The following NFKB2 variants were observed in gnomAD, a reference collection of about 807,000 sequenced individuals.
The protein encoded by NFKB2 is nuclear factor kappa B subunit 2.
A neutral mutation model predicts 109.3 loss-of-function variants in NFKB2; 21 were observed. That is an observed-to-expected ratio of 0.19 (90% CI 0.14 to 0.28). The LOEUF is 0.28. NFKB2 is among the 10% of genes least tolerant of loss of function. NFKB2 has a pLI of 1.00. For synonymous variants in NFKB2, 478 were observed against 489.9 expected (o/e 0.98, Z 0.32); for missense variants, 806 against 1,185.3 (o/e 0.68, Z 4.70).
intron 14 of NFKB2, 108 bp from the exon 15 acceptor site, chr10:102,399,972 G>C: frequency 8.2e-7 from 1 of 1,218,914 alleles, no homozygotes; most frequent in Non-Finnish European, 1.2e-6. Context: ...CCTGGGCCAC[G>C]TGCTGGGTTC....
chr10:102,401,720 A>G lies in NFKB2; in HGVS notation c.2294-25A>G, dbSNP rs1327072149. 6.4e-7 allele frequency: 1 copy of G among 1,573,386 alleles called. No individual in the cohort carries two copies. The highest frequency in any genetic ancestry group is 8.6e-7 in the Non-Finnish European group (1 of 1,157,454). ...CCACCCAACTCTGGAGGTAAATGAC[A>G]TGTCTGTATGTGTGTCCCCCTAAGG... On this transcript the variant is annotated intron_variant, in intron 20 of 22. Coordinates refer to ENST00000661543, the MANE Select transcript of NFKB2 (RefSeq NM_001322934.2). This position sits in a 1 kb window ranked among gnomAD's most constrained non-coding sequence, Gnocchi z 4.2.
In NFKB2 at chr10:102,401,247, C is replaced by T. The variant is rs371867635; in HGVS notation, c.2139C>T (p.Ser713=). ...TGCCTTCACCCCCTACCTCTGATAG[C>T]GACTCGGACTCTGAAGGGCCTGAGA... The part of the protein sequence containing the change: ...CPLPSPPTSD[S]DSDSEGPEKD... The change falls in exon 19 of 23, where the codon AGC becomes AGT. Residue 713 remains serine, a synonymous_variant. Transcript: ENST00000661543. The surrounding 1 kb of genome is among the most constrained non-coding windows in gnomAD (Gnocchi z 4.2). 20 of 1,611,450 alleles carry T rather than the reference C, an allele frequency of 1.2e-5. No homozygotes were observed. Among genetic ancestry groups the T allele is most frequent in the African/African-American group, 2.7e-5 (2 of 74,864 alleles).
Position 102,402,419 on chromosome 10 carries a change from G to T in NFKB2, c.*43G>T. ...GCCCCCTTCCCGGACCCCCTGTACA[G>T]CGTCCCCACCTATTTCAAATCTTAT... On this transcript the variant is annotated 3_prime_UTR_variant, in exon 23 of 23. Coordinates refer to ENST00000661543, the MANE Select transcript of NFKB2 (RefSeq NM_001322934.2). 1 of 1,181,770 alleles carries T rather than the reference G, an allele frequency of 8.5e-7. No homozygotes were observed. The highest frequency in any genetic ancestry group is 2.3e-5 in the Admixed American group (1 of 42,830). 73.2% of individuals were successfully genotyped at this position (1,181,770 alleles called of 1,614,324 possible).
chr10:102,402,079 A>G lies in NFKB2; in HGVS notation c.2498A>G (p.Glu833Gly), dbSNP rs1260304888. The change falls in exon 22 of 23, where the codon GAG becomes GGG. Residue 833 changes from glutamate (E) to glycine (G), a missense_variant. This residue lies in a region of NFKB2 where 211 missense variants were observed against 268.7 expected (regional missense o/e 0.79). Transcript: ENST00000661543. ...LAGGDLAGLL[E>G]ALSDMGLEEG... ...GGCGGGGACCTGGCAGGTCTACTGG[A>G]GGCCCTGTCTGACATGGGCCTAGAG... 5 of 1,573,288 alleles carry G rather than the reference A, an allele frequency of 3.2e-6. No individual in the cohort carries two copies. The highest frequency in any genetic ancestry group is 4.3e-6 in the Non-Finnish European group (5 of 1,158,968).
At chr10:102,395,866 A>G (rs2061099455) in intron 1 of NFKB2, 22 bp from the exon 2 acceptor site, 1 of 311,236 alleles carries the variant, frequency 3.2e-6, no homozygotes, top group Non-Finnish European at 4.6e-6. Context: ...CCCCTCCCCC[A>G]CGCCACTCCT....
rs1318736194 is a variant in NFKB2 at position 102,397,283 on chromosome 10, T to G, written c.396-19T>G. On this transcript the variant is annotated intron_variant, in intron 6 of 22. Transcript: ENST00000661543. The surrounding 1 kb of genome is among the most constrained non-coding windows in gnomAD (Gnocchi z 4.7). ...AGAAAGAACTGCATGGCCAAAGGCC[T>G]CCGATTCTCTCTTCTCAGATTTAAC... 2 of 1,611,574 alleles carry G rather than the reference T, an allele frequency of 1.2e-6. No individual in the cohort carries two copies. Among genetic ancestry groups the G allele is most frequent in the Non-Finnish European group, 8.5e-7 (1 of 1,177,702 alleles).
Position 102,398,683 on chromosome 10 carries a change from G to A in NFKB2, c.992-56G>A. Reference sequence around the variant, plus strand: ...CGGCCCTGAGGGCTCTTCTGGGAAGGGCCCCTGAGGCATGACACAATAACT... The same window carrying A: ...CGGCCCTGAGGGCTCTTCTGGGAAGAGCCCCTGAGGCATGACACAATAACT... On this transcript the variant is annotated intron_variant, in intron 11 of 22. Coordinates refer to ENST00000661543, the MANE Select transcript of NFKB2 (RefSeq NM_001322934.2). The surrounding 1 kb of genome is among the most constrained non-coding windows in gnomAD (Gnocchi z 6.6). 1 of 1,611,914 alleles carries A rather than the reference G, an allele frequency of 6.2e-7. No individual in the cohort carries two copies. The highest frequency in any genetic ancestry group is 8.5e-7 in the Non-Finnish European group (1 of 1,179,914).
At position 102,398,882 on chromosome 10, in the gene NFKB2, G is replaced by GAGGGAGGGGTAAAGGTA. The variant is rs1209419731; in HGVS notation, c.1117+21_1117+37dup. Reference sequence around the variant, plus strand: ...TGGAGGAGGTGAGGGGGTACTGATGGAGGGAGGGGTAAAGGTAAGAGAAGC... The same window carrying GAGGGAGGGGTAAAGGTA: ...TGGAGGAGGTGAGGGGGTACTGATGGAGGGAGGGGTAAAGGTAAGGGAGGGGTAAAGGTAAGAGAAGC... On this transcript the variant is annotated intron_variant, in intron 12 of 22. Coordinates refer to ENST00000661543, the MANE Select transcript of NFKB2 (RefSeq NM_001322934.2). This position sits in a 1 kb window ranked among gnomAD's most constrained non-coding sequence, Gnocchi z 6.6. 2 of 1,581,102 alleles carry GAGGGAGGGGTAAAGGTA rather than the reference G, an allele frequency of 1.3e-6. No individual in the cohort carries two copies.
chr10:102,402,112 T>C lies in NFKB2; in HGVS notation c.2531T>C (p.Val844Ala), dbSNP rs1450204584. Residue 844 changes from valine (V) to alanine (A), a missense_variant, in exon 22 of 23, where the codon GTG (valine) becomes GCG (alanine). By Grantham distance (64) the Val-to-Ala change is moderately conservative. Transcript: ENST00000661543. ...ALSDMGLEEG[V>A]RLLRGPETRD... ...TCTGACATGGGCCTAGAGGAGGGAG[T>C]GAGGCTGCTGAGGGGTCCAGAAACC... 4 of 1,577,920 alleles carry C rather than the reference T, an allele frequency of 2.5e-6. No homozygotes were observed. Among genetic ancestry groups the C allele is most frequent in the Admixed American group, 1.8e-5 (1 of 54,794 alleles).
At position 102,398,568 on chromosome 10, in the gene NFKB2, C is replaced by A; in HGVS notation, c.991+45C>A. 1 of 1,609,124 alleles carries A rather than the reference C, an allele frequency of 6.2e-7. No individual in the cohort carries two copies. Among genetic ancestry groups the A allele is most frequent in the Non-Finnish European group, 8.5e-7 (1 of 1,176,974 alleles). On this transcript the variant is annotated intron_variant, in intron 11 of 22. Coordinates refer to ENST00000661543, the MANE Select transcript of NFKB2 (RefSeq NM_001322934.2). The surrounding 1 kb of genome is among the most constrained non-coding windows in gnomAD (Gnocchi z 6.6). Reference sequence around the variant, plus strand: ...CTCAGGGTGCTGGCGGGGGGCCAGGCTGGGCTAGAAGAAGGTCCCAAGAGC... The same window carrying A: ...CTCAGGGTGCTGGCGGGGGGCCAGGATGGGCTAGAAGAAGGTCCCAAGAGC...
Position 102,401,528 on chromosome 10 carries a change from A to T in NFKB2, c.2293+10A>T. 3 of 1,612,128 alleles carry T rather than the reference A, an allele frequency of 1.9e-6. No homozygotes were observed. The highest frequency in any genetic ancestry group is 2.5e-6 in the Non-Finnish European group (3 of 1,179,838). ...CCGCCCAGCCCAGCAGGTGAGAAGCATCAGGCATCCCCAGCCCGACTCCTC... is the reference window on the plus strand; with the variant it reads ...CCGCCCAGCCCAGCAGGTGAGAAGCTTCAGGCATCCCCAGCCCGACTCCTC... On this transcript the variant is annotated intron_variant, in intron 20 of 22. Transcript: ENST00000661543. The surrounding 1 kb of genome is among the most constrained non-coding windows in gnomAD (Gnocchi z 4.2).
Position 102,398,940 on chromosome 10 carries a change from G to T in NFKB2, c.1117+76G>T. The T allele has an allele frequency of 6.7e-7, 1 of 1,488,408 alleles. No homozygotes were observed. Among genetic ancestry groups the T allele is most frequent in the Non-Finnish European group, 9.1e-7 (1 of 1,098,720 alleles). The allele number at this position is 1,488,408 out of a possible 1,614,324, so 92.2% of individuals were successfully genotyped here. A position where few individuals can be genotyped will look rare whatever the true frequency, so the allele number is the denominator to read the frequency against. Reference sequence around the variant, plus strand: ...GAAAAAAATCTGGGGGAGGCCGGGCGTGGTGGCTCACGCCTGTAATCCAGC... The same window carrying T: ...GAAAAAAATCTGGGGGAGGCCGGGCTTGGTGGCTCACGCCTGTAATCCAGC... On this transcript the variant is annotated intron_variant, in intron 12 of 22. Coordinates refer to ENST00000661543, the MANE Select transcript of NFKB2 (RefSeq NM_001322934.2). The surrounding 1 kb of genome is among the most constrained non-coding windows in gnomAD (Gnocchi z 6.6).
At position 102,400,772 on chromosome 10, in the gene NFKB2, A is replaced by G; in HGVS notation, c.1916A>G (p.His639Arg). 6.2e-7 allele frequency: 1 copy of G among 1,609,582 alleles called. No individual in the cohort carries two copies. The highest frequency in any genetic ancestry group is 8.5e-7 in the Non-Finnish European group (1 of 1,177,704). Residue 639 changes from histidine to arginine, a missense_variant, in exon 17 of 23, where the codon CAT becomes CGT. Physicochemically the swap from His to Arg is conservative, Grantham distance 29 (BLOSUM62 0). This residue lies in a region of NFKB2 where 6 missense variants were observed against 29.1 expected (regional missense o/e 0.21). Coordinates refer to ENST00000661543, the MANE Select transcript of NFKB2 (RefSeq NM_001322934.2). This position sits in a 1 kb window ranked among gnomAD's most constrained non-coding sequence, Gnocchi z 6.3. ...TERQGGRTAL[H>R]LATEMEELGL... is the part of the protein sequence containing the mutation. ...CGGCAGGGGGGACGAACAGCCTTGCATCTAGCCACAGAGATGGAGGAGCTG... is the reference window on the plus strand; with the variant it reads ...CGGCAGGGGGGACGAACAGCCTTGCGTCTAGCCACAGAGATGGAGGAGCTG...
rs761737663 is a variant in NFKB2 at position 102,400,701 on chromosome 10, C to T, written c.1845C>T (p.Cys615=). ...HLAVRARSPE[C]LDLLVDSGAE... ...CAGTCCGAGCCCGAAGCCCTGAGTG[C>T]CTGGATCTGCTGGTGGACAGTGGGG... The change falls in exon 17 of 23, where the codon TGC becomes TGT. Residue 615 remains cysteine, a synonymous_variant. Coordinates refer to ENST00000661543, the MANE Select transcript of NFKB2 (RefSeq NM_001322934.2). This position sits in a 1 kb window ranked among gnomAD's most constrained non-coding sequence, Gnocchi z 6.3. The T allele has an allele frequency of 3.1e-6, 5 of 1,613,904 alleles. No individual in the cohort carries two copies. Among genetic ancestry groups the T allele is most frequent in the Non-Finnish European group, 4.2e-6 (5 of 1,179,994 alleles).
Position 102,401,852 on chromosome 10 carries a change from C to T in NFKB2, c.2401C>T (p.Arg801Cys), listed in dbSNP as rs371174743. ...WAELAERLGL[R>C]SLVDTYRQTT... ...AGAGCTGGCAGAGCGTCTGGGGCTG[C>T]GCAGCCTGGTAGACACGTACCGACA... is the stretch of plus-strand genomic sequence containing the variant. The change falls in exon 21 of 23, where the codon CGC becomes TGC. Residue 801 changes from arginine to cysteine, a missense_variant. By Grantham distance (180) the Arg-to-Cys change is radical. Transcript: ENST00000661543. The surrounding 1 kb of genome is among the most constrained non-coding windows in gnomAD (Gnocchi z 4.2). 46 of 1,613,732 alleles carry T rather than the reference C, an allele frequency of 2.9e-5. No individual in the cohort carries two copies. The highest frequency in any genetic ancestry group is 1.6e-4 in the East Asian group (7 of 44,878).
In NFKB2 at chr10:102,396,008, G is replaced by A. The variant is rs752839751; in HGVS notation, c.21+28G>A. On this transcript the variant is annotated intron_variant, in intron 2 of 22. Coordinates refer to ENST00000661543, the MANE Select transcript of NFKB2 (RefSeq NM_001322934.2). The surrounding 1 kb of genome is among the most constrained non-coding windows in gnomAD (Gnocchi z 5.9). ...GAGTCATGCCGCCTGCCCCTGACCC[G>A]GCCGGCTGCCCCTCGTGTCTGTCCA... is the stretch of plus-strand genomic sequence containing the variant. The A allele has an allele frequency of 6.2e-7, 1 of 1,611,608 alleles. No individual in the cohort carries two copies. The highest frequency in any genetic ancestry group is 8.5e-7 in the Non-Finnish European group (1 of 1,179,918).
Position 102,400,143 on chromosome 10 carries a change from C to T in NFKB2, c.1533C>T (p.Ile511=). The change falls in exon 15 of 23, where the codon ATC becomes ATT. Residue 511 remains isoleucine (I), a synonymous_variant. Coordinates refer to ENST00000661543, the MANE Select transcript of NFKB2 (RefSeq NM_001322934.2). This position sits in a 1 kb window ranked among gnomAD's most constrained non-coding sequence, Gnocchi z 6.3. ...TCATTGAGCAGATAGTCTATGTCAT[C>T]CACCACGCCCAGGACCTCGGCGTTG... The part of the protein sequence containing the change: ...TSVIEQIVYV[I]HHAQDLGVVN... 1 of 1,614,174 alleles carries T rather than the reference C, an allele frequency of 6.2e-7. No individual in the cohort carries two copies. The highest frequency in any genetic ancestry group is 8.5e-7 in the Non-Finnish European group (1 of 1,180,010).
Position 102,395,751 on chromosome 10 carries a change from C to G in NFKB2, c.-118C>G, listed in dbSNP as rs2061096003. ...GCCAAGCCCAACTCCGGATCTCGCT[C>G]TCCACCGGATCTCACCCGCCACACC... On this transcript the variant is annotated 5_prime_UTR_variant, in exon 1 of 23. Transcript: ENST00000661543. 1 of 609,482 alleles carries G rather than the reference C, an allele frequency of 1.6e-6. No homozygotes were observed. The highest frequency in any genetic ancestry group is 1.9e-5 in the South Asian group (1 of 51,820). The allele number at this position is 609,482 out of a possible 1,614,324, so 37.8% of individuals were successfully genotyped here.
At position 102,402,386 on chromosome 10, in the gene NFKB2, T is replaced by C. The variant is rs1400402707; in HGVS notation, c.*10T>C. ...GCCTCAGGTGCACTGACCTGCTGCC[T>C]GCCCCCAGCCCCCTTCCCGGACCCC... On this transcript the variant is annotated 3_prime_UTR_variant, in exon 23 of 23. Transcript: ENST00000661543. 1.3e-6 allele frequency: 2 copies of C among 1,508,944 alleles called. No individual in the cohort carries two copies. Among genetic ancestry groups the C allele is most frequent in the Non-Finnish European group, 1.8e-6 (2 of 1,122,322 alleles). The allele number at this position is 1,508,944 out of a possible 1,614,324, so 93.5% of individuals were successfully genotyped here.
Sources: gnomAD v4.1 joint callset for allele counts on GRCh38, gnomAD v4.1.1 for gene constraint, gnomAD v4.1.1 regional missense constraint, Gnocchi (gnomAD v3.1) non-coding constraint, MANE v1.5 for transcripts, NCBI Gene and HGNC (gene_info 2026-07-23, HGNC 2026-07-21) for gene names.